RAB11FIP4: variants seen among roughly 807,000 people sequenced by gnomAD.
RAB11FIP4 encodes the protein RAB11 family interacting protein 4, also known as rab11 family-interacting protein 4.
RAB11FIP4 carries 23 observed loss-of-function variants against 74.3 expected under a neutral mutation model. The observed-to-expected ratio is 0.31, with a 90% CI of 0.22 to 0.44. The LOEUF (loss-of-function observed/expected upper bound fraction) is 0.44. Ranked by LOEUF, RAB11FIP4 falls within the 20% of genes least tolerant of loss-of-function variation. The probability of loss-of-function intolerance (pLI) is 1.00; values close to 1 mark genes in which losing one functional copy is unlikely to be tolerated. For synonymous variants in RAB11FIP4, 360 were observed against 359.9 expected, an observed-to-expected ratio of 1.00 and a Z score of 0.00; for missense variants, 630 against 863.9, an observed-to-expected ratio of 0.73 and a Z score of 3.39.
chr17:31,505,420 T>C (rs2072299452), intron 3 of RAB11FIP4, among the ~76,000 whole-genome samples: 1 of 89,194 alleles, frequency 1.1e-5, no homozygotes, highest in African/African-American at 5.1e-5. Context: ...AATTATTATA[T>C]ATTAATATAT....
intron 3 of RAB11FIP4, among the ~76,000 whole-genome samples, chr17:31,509,804 G>C (rs550806972): frequency 1.3e-5 from 2 of 152,256 alleles, no homozygotes; most frequent in Admixed American, 6.5e-5. Context: ...GGCTCTGTTG[G>C]GGTGAGCCGA....
chr17:31,421,473 C>T (rs1156940008), intron 1 of RAB11FIP4, among the ~76,000 whole-genome samples: 1 of 151,730 alleles, frequency 6.6e-6, no homozygotes, highest in Admixed American at 6.6e-5. Context: ...CCTGCCTCAG[C>T]CTCCAAAAGC....
At chr17:31,507,815 GTTTTA>G (rs558600079) in intron 3 of RAB11FIP4, among the ~76,000 whole-genome samples, 41 of 151,992 alleles carry the variant, frequency 2.7e-4, no homozygotes, top group African/African-American at 9.7e-4. Flanking sequence ...AATATGTTTT[GTTTTA>G]TTTTATTTTA....
intron 3 of RAB11FIP4, among the ~76,000 whole-genome samples, chr17:31,475,440 T>A (rs1041507522): frequency 6.6e-6 from 1 of 152,166 alleles, no homozygotes; most frequent in Non-Finnish European, 1.5e-5. Context: ...CTAGTTACAG[T>A]AAAAAGATGT....
At chr17:31,506,550 C>A (rs1175826847) in intron 3 of RAB11FIP4, among the ~76,000 whole-genome samples, 1 of 152,204 alleles carries the variant, frequency 6.6e-6, no homozygotes, top group Non-Finnish European at 1.5e-5. Flanking sequence ...CCTTCTCCTA[C>A]CCTCTCCAGC....
intron 4 of RAB11FIP4, among the ~76,000 whole-genome samples, chr17:31,520,505 T>A (rs1284158207): frequency 6.6e-6 from 1 of 152,142 alleles, no homozygotes; most frequent in Non-Finnish European, 1.5e-5. Flanking sequence ...TTTTGTTTGT[T>A]TTTTTGTTTT....
At position 31,400,554 on chromosome 17, in the gene RAB11FIP4, G is replaced by C. The variant is rs1394770370; in HGVS notation, c.159+8543G>C. On this transcript the variant is annotated intron_variant, in intron 1 of 14. Transcript: ENST00000621161. ...GTGTGGCTCCTCGGAGAGGCAGAAG[G>C]GGCCGGGGAGAGGCAGGGAGACCAG... Among the ~76,000 whole-genome samples, 6 of 152,218 alleles carry C rather than the reference G, an allele frequency of 3.9e-5. 1 individual carries two copies. The highest frequency in any genetic ancestry group is 1.2e-4 in the African/African-American group (5 of 41,448).
At chr17:31,416,189 G>A (rs2071146407) in intron 1 of RAB11FIP4, among the ~76,000 whole-genome samples, 1 of 152,174 alleles carries the variant, frequency 6.6e-6, no homozygotes, top group African/African-American at 2.4e-5. Context: ...TGCCCTGGGC[G>A]CCACTAATTG....
chr17:31,492,892 C>T (rs564483933), intron 3 of RAB11FIP4, among the ~76,000 whole-genome samples: 2 of 152,078 alleles, frequency 1.3e-5, no homozygotes, highest in Non-Finnish European at 2.9e-5. Context: ...TCAGAACCCC[C>T]CTGAGCACCC....
chr17:31,495,008 C>T (rs1420280225), intron 3 of RAB11FIP4, among the ~76,000 whole-genome samples: 1 of 152,364 alleles, frequency 6.6e-6, no homozygotes, highest in African/African-American at 2.4e-5. Flanking sequence ...TGGCCCTCCA[C>T]ACCTCGGCCC....
At position 31,534,224 on chromosome 17, in the gene RAB11FIP4, G is replaced by A. The variant is rs2072921046; in HGVS notation, c.*2492G>A. 1 of 152,112 alleles carries A rather than the reference G, an allele frequency of 6.6e-6. No individual in the cohort carries two copies. The allele number at this position is 152,112 out of a possible 1,614,324, so 9.4% of individuals were successfully genotyped here. ...GATGCCCAGTTAAGTTTGAATTTCA[G>A]ATAGAAAATAATTTTAGAATAAATA... On this transcript the variant is annotated 3_prime_UTR_variant, in exon 15 of 15. Coordinates refer to ENST00000621161, the MANE Select transcript of RAB11FIP4 (RefSeq NM_032932.6).
intron 10 of RAB11FIP4, 96 bp downstream of exon 10, chr17:31,525,326 G>A (rs1370229459): frequency 1.1e-5 from 14 of 1,280,364 alleles, no homozygotes; most frequent in African/African-American, 4.5e-5. Context: ...AGATGGGAAT[G>A]TGAGGCTGAG....
rs879393162 is a variant in RAB11FIP4 at position 31,487,984 on chromosome 17, C to A, written c.337-29667C>A. The stretch of plus-strand genomic sequence containing the variant: ...CGCCCCCGCCCCCGCCCCGCCCCGG[C>A]GCGAGGCCCCGCCCCCGAGTCCCGG... On this transcript the variant is annotated intron_variant, in intron 3 of 14. Coordinates refer to ENST00000621161, the MANE Select transcript of RAB11FIP4 (RefSeq NM_032932.6). The A allele has an allele frequency of 1.3e-3, 1,184 of 943,364 alleles. 3 individuals carry two copies. The highest frequency in any genetic ancestry group is 1.4e-3 in the South Asian group (28 of 20,280). The allele number at this position is 943,364 out of a possible 1,614,324, so 58.4% of individuals were successfully genotyped here. A position where few individuals can be genotyped will look rare whatever the true frequency, so the allele number is the denominator to read the frequency against.
intron 1 of RAB11FIP4, among the ~76,000 whole-genome samples, chr17:31,414,930 C>A (rs1049207122): frequency 6.6e-6 from 1 of 152,224 alleles, no homozygotes; most frequent in Non-Finnish European, 1.5e-5. Context: ...AGGGCTGGTT[C>A]CTCAGGGGCT....
chr17:31,402,598 T>TTTTA (rs3058625), intron 1 of RAB11FIP4, among the ~76,000 whole-genome samples: 57,531 of 142,564 alleles, frequency 0.4, 12,413 homozygotes, highest in Middle Eastern at 0.55. Context: ...TTTTATTTAT[T>TTTTA]TTTATTTATT....
At chr17:31,511,570 C>T (rs1456732415) in intron 3 of RAB11FIP4, among the ~76,000 whole-genome samples, 1 of 152,230 alleles carries the variant, frequency 6.6e-6, no homozygotes, top group African/African-American at 2.4e-5. Flanking sequence ...TAGCTACCCA[C>T]TTAGGGTCCT....
At chr17:31,492,154 C>T (rs1224129284) in intron 3 of RAB11FIP4, among the ~76,000 whole-genome samples, 3 of 152,234 alleles carry the variant, frequency 2.0e-5, no homozygotes, top group East Asian at 1.9e-4. Flanking sequence ...GTCACCCAGG[C>T]TGTCTCCTCA....
intron 3 of RAB11FIP4, among the ~76,000 whole-genome samples, chr17:31,506,390 G>A (rs60381879): frequency 6.9e-4 from 105 of 152,174 alleles, no homozygotes; most frequent in African/African-American, 2.4e-3. Flanking sequence ...ATTTCTTTGT[G>A]GTGAGAACAT....
At chr17:31,398,651 C>T (rs2070954804) in intron 1 of RAB11FIP4, among the ~76,000 whole-genome samples, 1 of 152,234 alleles carries the variant, frequency 6.6e-6, no homozygotes, top group Non-Finnish European at 1.5e-5. Context: ...GTGTGACGTT[C>T]CCCCTTGTAC....
Sources: gnomAD v4.1 joint callset for allele counts (sites outside exome capture counted in the v4.1 genomes callset) on GRCh38, gnomAD v4.1.1 for gene constraint, MANE v1.5 for transcripts, NCBI Gene and HGNC (gene_info 2026-07-23, HGNC 2026-07-21) for gene names.